CACNB2: variants seen among roughly 807,000 people sequenced by gnomAD.
CACNB2 encodes calcium voltage-gated channel auxiliary subunit beta 2.
CACNB2 carries 42 observed loss-of-function variants against 73.3 expected under a neutral mutation model. That is an observed-to-expected ratio of 0.57 (90% confidence interval 0.45 to 0.74). CACNB2 has a LOEUF of 0.74. Ranked by LOEUF, CACNB2 falls within the 30% of genes least tolerant of loss-of-function variation. The pLI, the probability that CACNB2 is intolerant of heterozygous loss-of-function variation, is 0.00. For synonymous variants in CACNB2, 348 were observed against 310.3 expected, an observed-to-expected ratio of 1.12 and a Z score of -1.28; for missense variants, 940 against 853.0, an observed-to-expected ratio of 1.10 and a Z score of -1.27.
At chr10:18,250,323 C>G (rs887042403) in intron 2 of CACNB2, among the ~76,000 whole-genome samples, 3 of 152,214 alleles carry the variant, frequency 2.0e-5, no homozygotes, top group Non-Finnish European at 4.4e-5. Flanking sequence ...CTTTGTGAAC[C>G]TATATGATCT....
At chr10:18,274,302 T>C (rs1402383628) in intron 2 of CACNB2, among the ~76,000 whole-genome samples, 2 of 152,166 alleles carry the variant, frequency 1.3e-5, no homozygotes, top group Non-Finnish European at 2.9e-5. Context: ...GTTCAAACTG[T>C]AAGTAACTAT....
At chr10:18,499,069 C>A (rs1295331205) in intron 4 of CACNB2, among the ~76,000 whole-genome samples, 4 of 152,202 alleles carry the variant, frequency 2.6e-5, no homozygotes, top group Non-Finnish European at 5.9e-5. Flanking sequence ...TGGAAACTTT[C>A]ATCCTTAATT....
At position 18,536,712 on chromosome 10, in the gene CACNB2, T is replaced by C. The variant is rs147841006; in HGVS notation, c.1302+516T>C. Among the ~76,000 whole-genome samples, 128 of 152,334 alleles carry C rather than the reference T, an allele frequency of 8.4e-4. 2 individuals carry two copies. In the South Asian group the frequency reaches 0.015, roughly 18 times the overall value. Reference sequence around the variant, plus strand: ...GCACAAGTAATCCAAACGATGATCATAGCTTACCAAAAGCTTCCGTACATC... The same window carrying C: ...GCACAAGTAATCCAAACGATGATCACAGCTTACCAAAAGCTTCCGTACATC... On this transcript the variant is annotated intron_variant, in intron 12 of 13. Coordinates refer to ENST00000324631, the MANE Select transcript of CACNB2 (RefSeq NM_201596.3).
intron 6 of CACNB2, chr10:18,513,101 C>CTTTT (rs71402179): frequency 0.038 from 4,377 of 114,102 alleles, 128 homozygotes; most frequent in African/African-American, 0.051. Context: ...TGACCATAAC[C>CTTTT]TTTTTTTTTT....
chr10:18,455,064 C>G (rs1032810053), intron 3 of CACNB2, among the ~76,000 whole-genome samples: 2 of 147,788 alleles, frequency 1.4e-5, no homozygotes, highest in African/African-American at 4.9e-5. Context: ...AAGTGGTATT[C>G]GTACTCATTG....
At chr10:18,362,373 T>C (rs1003326742) in intron 2 of CACNB2, among the ~76,000 whole-genome samples, 1 of 152,210 alleles carries the variant, frequency 6.6e-6, no homozygotes. Context: ...TTAGGAGCAA[T>C]AGATATTTGT....
intron 2 of CACNB2, among the ~76,000 whole-genome samples, chr10:18,285,367 T>C (rs999203557): frequency 2.0e-5 from 3 of 152,186 alleles, no homozygotes; most frequent in African/African-American, 7.2e-5. Context: ...AAACAAGCTG[T>C]GAGAAGCTCA....
Position 18,150,966 on chromosome 10 carries a change from T to C in CACNB2, c.204T>C (p.Phe68=), listed in dbSNP as rs1455392532. The C allele has an allele frequency of 1.3e-6, 2 of 1,592,420 alleles. No homozygotes were observed. The part of the protein sequence containing the change: ...STSSDTTSNS[F]VRQGSADSYT... ...CATCTGATACTACCTCAAATAGTTT[T>C]GTTCGCCAGGTAAGAGTTTTAAGTT... Residue 68 remains phenylalanine, a synonymous_variant, in exon 2 of 14, where the codon TTT becomes TTC. Coordinates refer to ENST00000324631, the MANE Select transcript of CACNB2 (RefSeq NM_201596.3).
chr10:18,355,837 C>T (rs1188172855), intron 2 of CACNB2, among the ~76,000 whole-genome samples: 1 of 151,952 alleles, frequency 6.6e-6, no homozygotes, highest in Non-Finnish European at 1.5e-5. Flanking sequence ...AGGATTTCAC[C>T]ATCTTGACCA....
intron 2 of CACNB2, among the ~76,000 whole-genome samples, chr10:18,190,047 A>C (rs2034325769): frequency 6.6e-6 from 1 of 152,186 alleles, no homozygotes; most frequent in African/African-American, 2.4e-5. Flanking sequence ...TTGGACAGGC[A>C]CTGGGGATGT....
intron 2 of CACNB2, among the ~76,000 whole-genome samples, chr10:18,355,309 T>C (rs2041863315): frequency 1.3e-5 from 2 of 152,230 alleles, no homozygotes; most frequent in Admixed American, 1.3e-4. Context: ...TTTACAAACA[T>C]TACTTGTAGT....
chr10:18,233,264 A>G (rs2036293501), intron 2 of CACNB2, among the ~76,000 whole-genome samples: 1 of 152,142 alleles, frequency 6.6e-6, no homozygotes, highest in Non-Finnish European at 1.5e-5. Context: ...ACGTCACACA[A>G]GGGAGCTTCC....
chr10:18,363,676 G>C (rs1253613248), intron 2 of CACNB2, among the ~76,000 whole-genome samples: 3 of 152,132 alleles, frequency 2.0e-5, no homozygotes, highest in Non-Finnish European at 4.4e-5. Flanking sequence ...GCCAAAGGAA[G>C]TGTCTGAGCC....
chr10:18,284,302 C>G (rs896355598), intron 2 of CACNB2, among the ~76,000 whole-genome samples: 1 of 152,180 alleles, frequency 6.6e-6, no homozygotes, highest in Non-Finnish European at 1.5e-5. Context: ...GAAAGACCCA[C>G]CCCCATGATT....
At chr10:18,354,517 T>G (rs1307224616) in intron 2 of CACNB2, among the ~76,000 whole-genome samples, 1 of 152,076 alleles carries the variant, frequency 6.6e-6, no homozygotes, top group Non-Finnish European at 1.5e-5. Context: ...CATGGTGTGG[T>G]TGATTGTGTT....
At chr10:18,500,688 A>G in intron 4 of CACNB2, 124 bp from the exon 5 acceptor site, 1 of 983,958 alleles carries the variant, frequency 1.0e-6, no homozygotes, top group Admixed American at 1.8e-5. Flanking sequence ...GGGTTTCTTG[A>G]ATGATAATAT....
rs1314826282 is a variant in CACNB2 at position 18,260,061 on chromosome 10, A to G, written c.213+109086A>G. ...CAACAGAATATGGAATGACTTGGGC[A>G]TGGGTGCAAATTTGGATCAATATCT... On this transcript the variant is annotated intron_variant, in intron 2 of 13. Transcript: ENST00000324631. 2.0e-5 allele frequency among the ~76,000 whole-genome samples: 3 copies of G among 152,210 alleles called. No homozygotes were observed. In the South Asian group the frequency reaches 6.2e-4, roughly 32 times the overall value.
Position 18,266,710 on chromosome 10 carries a change from G to A in CACNB2, c.213+115735G>A, listed in dbSNP as rs144852728. Among the ~76,000 whole-genome samples the A allele has an allele frequency of 4.2e-3, 639 of 152,216 alleles. 5 individuals are homozygous for A. Among genetic ancestry groups the A allele is most frequent in the African/African-American group, 0.014 (584 of 41,532 alleles). ...TCAGGACCAGCCTGGACAACAGGGT[G>A]AAACCTCGTCTCTACTAAAAATACA... On this transcript the variant is annotated intron_variant, in intron 2 of 13. Transcript: ENST00000324631.
chr10:18,154,797 T>A (rs10828277), intron 2 of CACNB2, among the ~76,000 whole-genome samples: 3 of 151,904 alleles, frequency 2.0e-5, no homozygotes, highest in Non-Finnish European at 4.4e-5. Context: ...AAAAAGAGAA[T>A]GAGGTTGCAT....
Sources: allele counts gnomAD v4.1 joint callset (sites outside exome capture counted in the v4.1 genomes callset), GRCh38; gene constraint gnomAD v4.1.1; transcripts MANE v1.5; gene names NCBI Gene and HGNC (gene_info 2026-07-23, HGNC 2026-07-21).